Variants in CCSER1 observed in about 807,000 individuals in gnomAD.
The protein encoded by CCSER1 is serine-rich coiled-coil domain-containing protein 1.
Under a neutral mutation model 82.0 loss-of-function variants are expected in CCSER1, and 41 were observed. That is an observed-to-expected ratio of 0.50 (90% CI 0.39 to 0.65). The LOEUF is 0.65. Ranked by LOEUF, CCSER1 falls within the 30% of genes least tolerant of loss-of-function variation. The pLI, the probability that CCSER1 is intolerant of heterozygous loss-of-function variation, is 0.00. For missense variants in CCSER1, 1,119 were observed against 1,064.2 expected (o/e 1.05, Z -0.72); for synonymous variants, 414 against 383.9 (o/e 1.08, Z -0.92).
chr4:90,911,425 T>C lies in CCSER1; in HGVS notation c.2095-11945T>C, dbSNP rs146568656. 7.0e-3 allele frequency: 2,967 copies of C among 425,734 alleles called. 24 individuals are homozygous for C. Among genetic ancestry groups the C allele is most frequent in the Non-Finnish European group, 0.011 (2,419 of 211,626 alleles). 26.4% of individuals were successfully genotyped at this position (425,734 alleles called of 1,614,324 possible). On this transcript the variant is annotated intron_variant, in intron 8 of 10. Transcript: ENST00000509176. ...TCATTCCTGAGCTCATCTTTGGCCT[T>C]GGCATCATTAAGCAATCCCTATGAT...
chr4:91,395,937 T>C (rs1275044449), intron 10 of CCSER1, among the ~76,000 whole-genome samples: 1 of 152,118 alleles, frequency 6.6e-6, no homozygotes, highest in African/African-American at 2.4e-5. Context: ...TGTAGTCAGT[T>C]ACTTTTGCAC....
chr4:90,278,058 A>G (rs573516654), intron 1 of CCSER1, among the ~76,000 whole-genome samples: 4 of 152,048 alleles, frequency 2.6e-5, no homozygotes, highest in African/African-American at 9.7e-5. Context: ...CTTACAATGG[A>G]CCCACAAGCT....
In CCSER1 at chr4:91,483,059, G is replaced by A. The variant is rs949807681; in HGVS notation, c.2218-115513G>A. 4.1e-4 allele frequency among the ~76,000 whole-genome samples: 62 copies of A among 151,422 alleles called. 1 individual carries two copies. The highest frequency in any genetic ancestry group is 1.3e-3 in the African/African-American group (55 of 41,250). The stretch of plus-strand genomic sequence containing the variant: ...GTATACATATGTAACAAACCTGCAC[G>A]TTGTGCATATGTACCCTAGAACTTA... On this transcript the variant is annotated intron_variant, in intron 10 of 10. Transcript: ENST00000509176.
chr4:91,164,546 C>T (rs1488127305), intron 10 of CCSER1, among the ~76,000 whole-genome samples: 1 of 152,172 alleles, frequency 6.6e-6, no homozygotes, highest in African/African-American at 2.4e-5. Flanking sequence ...GTTCCATTCT[C>T]CCCGTCACTT....
At chr4:91,563,704 G>A (rs753890055) in intron 10 of CCSER1, among the ~76,000 whole-genome samples, 5 of 151,646 alleles carry the variant, frequency 3.3e-5, no homozygotes, top group Non-Finnish European at 7.4e-5. Flanking sequence ...AACCAGAGCA[G>A]TTATATAAGA....
At chr4:91,267,197 AT>A (rs906215639) in intron 10 of CCSER1, among the ~76,000 whole-genome samples, 2 of 152,092 alleles carry the variant, frequency 1.3e-5, no homozygotes, top group African/African-American at 4.8e-5. Flanking sequence ...GAATTCTGCC[AT>A]TTTTGGGGAA....
At chr4:90,207,488 A>C (rs1282447295) in intron 1 of CCSER1, among the ~76,000 whole-genome samples, 1 of 152,048 alleles carries the variant, frequency 6.6e-6, no homozygotes, top group Non-Finnish European at 1.5e-5. Context: ...TCTGAAGCCT[A>C]CTTCTGTCAA....
intron 10 of CCSER1, among the ~76,000 whole-genome samples, chr4:91,142,290 T>C (rs914464395): frequency 1.3e-5 from 2 of 152,200 alleles, no homozygotes; most frequent in African/African-American, 4.8e-5. Context: ...GATGTGCCTT[T>C]GACTGTCTCT....
chr4:90,738,404 G>A (rs1451793586), intron 7 of CCSER1, among the ~76,000 whole-genome samples: 1 of 152,058 alleles, frequency 6.6e-6, no homozygotes, highest in Non-Finnish European at 1.5e-5. Context: ...GCTAGGGTCA[G>A]GCGAATTTTT....
chr4:91,216,499 T>C (rs1665767216), intron 10 of CCSER1, among the ~76,000 whole-genome samples: 1 of 152,086 alleles, frequency 6.6e-6, no homozygotes, highest in South Asian at 2.1e-4. Flanking sequence ...TTTTTGTGTT[T>C]TTAGTAGAGA....
At chr4:91,361,520 G>A (rs1213155217) in intron 10 of CCSER1, among the ~76,000 whole-genome samples, 1 of 151,782 alleles carries the variant, frequency 6.6e-6, no homozygotes, top group Non-Finnish European at 1.5e-5. Context: ...CAGGCATTGT[G>A]GAGGTAGAAT....
chr4:91,379,817 T>C (rs1750731743), intron 10 of CCSER1, among the ~76,000 whole-genome samples: 2 of 152,244 alleles, frequency 1.3e-5, no homozygotes, highest in Non-Finnish European at 2.9e-5. Flanking sequence ...TCTTGCTTTC[T>C]AGTTCTTTTA....
At chr4:91,137,640 T>C (rs1728615029) in intron 10 of CCSER1, among the ~76,000 whole-genome samples, 1 of 147,842 alleles carries the variant, frequency 6.8e-6, no homozygotes, top group Non-Finnish European at 1.5e-5. Context: ...AGTGTCAAAG[T>C]GTTCCTATTT....
At chr4:90,256,450 TAC>T (rs1723300129) in intron 1 of CCSER1, among the ~76,000 whole-genome samples, 1 of 152,168 alleles carries the variant, frequency 6.6e-6, no homozygotes, top group African/African-American at 2.4e-5. Context: ...TGCTTTTGGC[TAC>T]ACAGTTTTTA....
At chr4:91,145,306 A>G (rs966319793) in intron 10 of CCSER1, among the ~76,000 whole-genome samples, 59 of 152,098 alleles carry the variant, frequency 3.9e-4, no homozygotes, top group African/African-American at 1.3e-3. Flanking sequence ...ATCCATTTGC[A>G]TAATAGTTCT....
At position 90,673,550 on chromosome 4, in the gene CCSER1, G is replaced by A. The variant is rs142818987; in HGVS notation, c.1932+45318G>A. On this transcript the variant is annotated intron_variant, in intron 6 of 10. Coordinates refer to ENST00000509176, the MANE Select transcript of CCSER1 (RefSeq NM_001145065.2). ...TAACTCCTGCCAGTCACAATGAAGG[G>A]CAGAAAATACTGTGCCAGTTGAGGC... Among the ~76,000 whole-genome samples the A allele has an allele frequency of 3.3e-5, 5 of 152,022 alleles. No individual in the cohort carries two copies. In the East Asian group the frequency reaches 7.7e-4, roughly 24 times the overall value.
chr4:90,937,569 T>C (rs1012801294), intron 9 of CCSER1, among the ~76,000 whole-genome samples: 12 of 151,478 alleles, frequency 7.9e-5, no homozygotes, highest in African/African-American at 2.9e-4. Flanking sequence ...CAAGCCAGCA[T>C]CCATGGCTGC....
At chr4:91,144,463 G>C (rs1581639453) in intron 10 of CCSER1, among the ~76,000 whole-genome samples, 1 of 151,744 alleles carries the variant, frequency 6.6e-6, no homozygotes, top group South Asian at 2.1e-4. Flanking sequence ...ATTTCGTTTA[G>C]TTCTATTTGG....
At chr4:90,961,101 C>T (rs112073863) in intron 9 of CCSER1, among the ~76,000 whole-genome samples, 1,771 of 152,232 alleles carry the variant, frequency 0.012, 14 homozygotes, top group Non-Finnish European at 0.018. Flanking sequence ...TCCCCATTAG[C>T]ACCTGCTCTA....
Sources: allele counts gnomAD v4.1 joint callset (sites outside exome capture counted in the v4.1 genomes callset), GRCh38; gene constraint gnomAD v4.1.1; transcripts MANE v1.5; gene names NCBI Gene and HGNC (gene_info 2026-07-23, HGNC 2026-07-21).